Variants in CERKL observed in about 807,000 individuals in gnomAD.
CERKL encodes ceramide kinase-like protein.
CERKL carries 61 observed loss-of-function variants against 63.4 expected under a neutral mutation model. The observed-to-expected ratio is 0.96, with a 90% CI of 0.78 to 1.19. CERKL has a LOEUF of 1.19. CERKL is among the 50% of genes most tolerant of loss of function. The pLI is 0.00. For synonymous variants in CERKL, 250 were observed against 230.5 expected (o/e 1.08, Z -0.77); for missense variants, 675 against 655.5 (o/e 1.03, Z -0.33).
chr2:181,629,147 C>A (rs1292011812), intron 1 of CERKL, among the ~76,000 whole-genome samples: 6 of 152,070 alleles, frequency 3.9e-5, no homozygotes, highest in African/African-American at 1.2e-4. Context: ...TGAAAATTAT[C>A]TTTCCTATGA....
intron 1 of CERKL, among the ~76,000 whole-genome samples, chr2:181,623,662 T>A (rs1021427903): frequency 6.6e-6 from 1 of 152,170 alleles, no homozygotes; most frequent in Non-Finnish European, 1.5e-5. Context: ...TGAACAAAGA[T>A]TGGAACAAAA....
chr2:181,641,988 A>T (rs972335586), intron 1 of CERKL, among the ~76,000 whole-genome samples: 1 of 152,350 alleles, frequency 6.6e-6, no homozygotes, highest in Non-Finnish European at 1.5e-5. Flanking sequence ...GGCTATTTTT[A>T]TGATAAATTA....
At chr2:181,583,077 T>C (rs1393528052) in intron 2 of CERKL, among the ~76,000 whole-genome samples, 2 of 151,966 alleles carry the variant, frequency 1.3e-5, no homozygotes, top group Non-Finnish European at 2.9e-5. Context: ...ACCTTTTTAA[T>C]ATGCGCTATA....
At chr2:181,607,017 CT>C (rs780086650) in intron 1 of CERKL, among the ~76,000 whole-genome samples, 7 of 152,172 alleles carry the variant, frequency 4.6e-5, no homozygotes, top group Non-Finnish European at 1.0e-4. Flanking sequence ...CCGCAAATAA[CT>C]TTGGTTTATG....
At chr2:181,604,162 G>C in intron 1 of CERKL, 83 bp from the exon 2 acceptor site, 1 of 1,137,280 alleles carries the variant, frequency 8.8e-7, no homozygotes, top group Non-Finnish European at 1.3e-6. Flanking sequence ...CCAGAGGGTA[G>C]AAAGTGAGCA....
chr2:181,639,413 T>C (rs1574057151), intron 1 of CERKL, among the ~76,000 whole-genome samples: 1 of 152,236 alleles, frequency 6.6e-6, no homozygotes, highest in East Asian at 1.9e-4. Context: ...TTGGGTATGT[T>C]TGGTGGTTTC....
At chr2:181,568,503 C>G (rs541477281) in intron 3 of CERKL, among the ~76,000 whole-genome samples, 1 of 152,208 alleles carries the variant, frequency 6.6e-6, no homozygotes, top group East Asian at 1.9e-4. Context: ...TCCATTTCTC[C>G]CAGCTAATTC....
intron 2 of CERKL, among the ~76,000 whole-genome samples, chr2:181,590,172 C>G (rs1455377198): frequency 2.6e-5 from 4 of 150,974 alleles, no homozygotes; most frequent in Admixed American, 2.6e-4. Flanking sequence ...GAGTCTCACT[C>G]TGTTGCCCAC....
intron 5 of CERKL, among the ~76,000 whole-genome samples, chr2:181,557,340 C>T (rs1688256193): frequency 6.6e-6 from 1 of 152,072 alleles, no homozygotes; most frequent in Admixed American, 6.6e-5. Context: ...AATGGTATTG[C>T]CTAGGTTTTC....
chr2:181,596,704 T>C (rs1243224913), intron 2 of CERKL, among the ~76,000 whole-genome samples: 1 of 152,228 alleles, frequency 6.6e-6, no homozygotes. Flanking sequence ...TGGTTAAGTG[T>C]GGCATTCAGG....
intron 1 of CERKL, among the ~76,000 whole-genome samples, chr2:181,626,105 C>T (rs181458990): frequency 7.7e-4 from 117 of 152,184 alleles, no homozygotes; most frequent in African/African-American, 2.7e-3. Context: ...ATTCCAAATT[C>T]TAACAGATAT....
rs896858206 is a variant in CERKL at position 181,548,593 on chromosome 2, C to T, written c.1085G>A (p.Cys362Tyr). ...KALAKLKAEDCEISFLPFNSS... is the reference protein window; with the variant it reads ...KALAKLKAEDYEISFLPFNSS... ...GTTAAATGGTAAAAATGATATTTCA[C>T]AGTCTTCTGCCCTAAAATGTAATGA... Residue 362 changes from cysteine to tyrosine, a missense_variant, in exon 8 of 13, where the codon TGT becomes TAT. Transcript: ENST00000410087. The T allele has an allele frequency of 1.9e-6, 3 of 1,612,976 alleles. No homozygotes were observed. The highest frequency in any genetic ancestry group is 3.3e-5 in the Admixed American group (2 of 59,884).
At chr2:181,543,151 G>A (rs757841206) in intron 11 of CERKL, among the ~76,000 whole-genome samples, 10 of 152,092 alleles carry the variant, frequency 6.6e-5, no homozygotes, top group Non-Finnish European at 1.5e-4. Flanking sequence ...ATTCTACCAA[G>A]GTAATGACAC....
chr2:181,609,540 A>AAAAAAAAAG (rs1685872278), intron 1 of CERKL, among the ~76,000 whole-genome samples: 1 of 145,320 alleles, frequency 6.9e-6, no homozygotes, highest in Non-Finnish European at 1.5e-5. Context: ...TACTAAAAAA[A>AAAAAAAAAG]AAAAAAAAAA....
chr2:181,650,253 A>C (rs1038647707), intron 1 of CERKL, among the ~76,000 whole-genome samples: 1 of 152,266 alleles, frequency 6.6e-6, no homozygotes, highest in Non-Finnish European at 1.5e-5. Flanking sequence ...AAATGCTCCT[A>C]AACAACCAAT....
At chr2:181,563,297 G>T (rs1433468890) in intron 4 of CERKL, among the ~76,000 whole-genome samples, 1 of 151,898 alleles carries the variant, frequency 6.6e-6, no homozygotes, top group Non-Finnish European at 1.5e-5. Flanking sequence ...GTTTAGAAAT[G>T]TCACAAGATG....
chr2:181,580,804 C>G (rs1265863415), intron 2 of CERKL, among the ~76,000 whole-genome samples: 1 of 152,120 alleles, frequency 6.6e-6, no homozygotes, highest in East Asian at 1.9e-4. Flanking sequence ...TTTCTATCCT[C>G]TAAAATAGTT....
intron 1 of CERKL, among the ~76,000 whole-genome samples, chr2:181,641,295 G>A (rs1279622297): frequency 3.7e-5 from 5 of 133,496 alleles, no homozygotes; most frequent in Admixed American, 1.6e-4. Flanking sequence ...ATGTATATAT[G>A]TGTATGCATA....
intron 2 of CERKL, among the ~76,000 whole-genome samples, chr2:181,597,633 G>A (rs537714894): frequency 3.3e-5 from 5 of 152,262 alleles, no homozygotes; most frequent in East Asian, 3.9e-4. Context: ...AATTTCCCAG[G>A]GATAGAGAAC....
Sources: gnomAD v4.1 joint callset for allele counts (sites outside exome capture counted in the v4.1 genomes callset) on GRCh38, gnomAD v4.1.1 for gene constraint, MANE v1.5 for transcripts, NCBI Gene and HGNC (gene_info 2026-07-23, HGNC 2026-07-21) for gene names.